Variants in SNX29 observed in about 807,000 individuals in gnomAD.
SNX29 encodes the protein sorting nexin-29.
In SNX29, 78 loss-of-function variants were observed where a neutral mutation model predicts 102.1. That is an observed-to-expected ratio of 0.76 (90% confidence interval 0.64 to 0.92). SNX29 has a LOEUF of 0.92. Ranked by LOEUF, SNX29 falls within the 40% of genes least tolerant of loss-of-function variation. The pLI, the probability that SNX29 is intolerant of heterozygous loss-of-function variation, is 0.00. For missense variants in SNX29, 1,280 were observed against 1,061.7 expected, an observed-to-expected ratio of 1.21 and a Z score of -2.86; for synonymous variants, 580 against 414.5, an observed-to-expected ratio of 1.40 and a Z score of -4.85.
chr16:12,574,053 A>C lies in SNX29; in HGVS notation c.*5424A>C, dbSNP rs556070144. 4 of 193,508 alleles carry C rather than the reference A, an allele frequency of 2.1e-5. No homozygotes were observed. The highest frequency in any genetic ancestry group is 3.2e-5 in the Non-Finnish European group (3 of 92,732). The allele number at this position is 193,508 out of a possible 1,614,324, so 12.0% of individuals were successfully genotyped here. Reference sequence around the variant, plus strand: ...CTAGAGTCTGATAGTCTGTGTGTACATAAGGTCTAGAAGTCTGTGGAAACG... The same window carrying C: ...CTAGAGTCTGATAGTCTGTGTGTACCTAAGGTCTAGAAGTCTGTGGAAACG... On this transcript the variant is annotated 3_prime_UTR_variant, in exon 21 of 21. Transcript: ENST00000566228.
chr16:12,180,881 T>G (rs978259770), intron 13 of SNX29, among the ~76,000 whole-genome samples: 1 of 152,218 alleles, frequency 6.6e-6, no homozygotes, highest in Non-Finnish European at 1.5e-5. Flanking sequence ...TCGTGTGGTG[T>G]TAGGCATACT....
At chr16:12,033,276 A>AT (rs1375442064) in intron 4 of SNX29, among the ~76,000 whole-genome samples, 5 of 151,014 alleles carry the variant, frequency 3.3e-5, no homozygotes, top group Admixed American at 2.0e-4. Context: ...TAATTTTATT[A>AT]TTTTTTTGTA....
intron 11 of SNX29, among the ~76,000 whole-genome samples, chr16:12,110,974 G>A (rs779332107): frequency 1.3e-5 from 2 of 152,026 alleles, no homozygotes; most frequent in African/African-American, 4.8e-5. Flanking sequence ...ACGCTACCAC[G>A]CCTGGCTAAT....
chr16:12,552,499 C>G (rs115204611), intron 20 of SNX29, among the ~76,000 whole-genome samples: 28 of 152,296 alleles, frequency 1.8e-4, no homozygotes, highest in African/African-American at 4.6e-4. Context: ...GAATCTTGCT[C>G]AAAAATAGCC....
intron 18 of SNX29, among the ~76,000 whole-genome samples, chr16:12,408,167 AACAAACAAAC>A (rs2084248635): frequency 6.7e-6 from 1 of 150,122 alleles, no homozygotes; most frequent in South Asian, 2.1e-4. Context: ...CAAAAAAACA[AACAAACAAAC>A]AAAAAAAAAA....
intron 20 of SNX29, among the ~76,000 whole-genome samples, chr16:12,563,100 A>G (rs2078822839): frequency 7.0e-6 from 1 of 142,086 alleles, no homozygotes; most frequent in Non-Finnish European, 1.6e-5. Flanking sequence ...TAGAAGACGC[A>G]CGCTAACAAC....
intron 14 of SNX29, among the ~76,000 whole-genome samples, chr16:12,271,747 T>A (rs1386694629): frequency 6.6e-6 from 1 of 151,894 alleles, no homozygotes; most frequent in African/African-American, 2.4e-5. Flanking sequence ...CTAAGCCTCC[T>A]GAGTAGCTGG....
chr16:12,355,350 G>C (rs532004902), intron 15 of SNX29, among the ~76,000 whole-genome samples: 1 of 152,256 alleles, frequency 6.6e-6, no homozygotes, highest in South Asian at 2.1e-4. Context: ...GTCTTCTGTA[G>C]CTCATGTAAA....
chr16:12,112,635 C>A (rs952264526), intron 11 of SNX29, among the ~76,000 whole-genome samples: 15 of 152,146 alleles, frequency 9.9e-5, no homozygotes, highest in Non-Finnish European at 1.8e-4. Flanking sequence ...CTCGTGAGGT[C>A]CAGGTCTCTT....
At position 12,096,670 on chromosome 16, in the gene SNX29, G is replaced by A. The variant is rs2151425768; in HGVS notation, c.1402+17755G>A. On this transcript the variant is annotated intron_variant, in intron 11 of 20. Coordinates refer to ENST00000566228, the MANE Select transcript of SNX29 (RefSeq NM_032167.5). The surrounding 1 kb of genome is among the most constrained non-coding windows in gnomAD (Gnocchi z 4.2). Reference sequence around the variant, plus strand: ...GGCAATGGGGTCATGTGGGAGTGATGTACTCTTTGTTATCTGTGGCACTGA... The same window carrying A: ...GGCAATGGGGTCATGTGGGAGTGATATACTCTTTGTTATCTGTGGCACTGA... 6.6e-6 allele frequency among the ~76,000 whole-genome samples: 1 copy of A among 152,294 alleles called. No homozygotes were observed. Among genetic ancestry groups the A allele is most frequent in the Non-Finnish European group, 1.5e-5 (1 of 68,024 alleles).
chr16:12,539,730 C>G (rs758717633), intron 20 of SNX29, among the ~76,000 whole-genome samples: 1 of 152,220 alleles, frequency 6.6e-6, no homozygotes, highest in Non-Finnish European at 1.5e-5. Flanking sequence ...TGGCTGTTCA[C>G]AAGGATGCAG....
At chr16:12,360,496 G>T (rs925965701) in intron 16 of SNX29, among the ~76,000 whole-genome samples, 1 of 152,112 alleles carries the variant, frequency 6.6e-6, no homozygotes, top group Non-Finnish European at 1.5e-5. Flanking sequence ...TTCAGGTTTG[G>T]TTTTTTGCCC....
chr16:12,007,365 C>T (rs917418471), intron 3 of SNX29, among the ~76,000 whole-genome samples: 7 of 152,236 alleles, frequency 4.6e-5, no homozygotes, highest in East Asian at 1.9e-4. Context: ...ATTAGCCAGG[C>T]GTGGTGGTGC....
intron 18 of SNX29, among the ~76,000 whole-genome samples, chr16:12,457,737 C>T (rs903342732): frequency 2.6e-5 from 4 of 152,180 alleles, no homozygotes; most frequent in African/African-American, 9.7e-5. Context: ...AATGTTCATC[C>T]CAGCCCCATC....
chr16:12,234,711 G>GT (rs1383960213), intron 14 of SNX29, among the ~76,000 whole-genome samples: 1 of 152,298 alleles, frequency 6.6e-6, no homozygotes, highest in Admixed American at 6.5e-5. Context: ...CAGCCCAGAG[G>GT]TTTTGGGGGT....
rs528739453 is a variant in SNX29, at chr16:12,370,809, C to T, written c.1899+14530C>T. On this transcript the variant is annotated intron_variant, in intron 16 of 20. Coordinates refer to ENST00000566228, the MANE Select transcript of SNX29 (RefSeq NM_032167.5). The stretch of plus-strand genomic sequence containing the variant: ...AACCAGAGCAGTTTGTGCCTAGATT[C>T]ATTGCTGTCTCTTTTCTGGGCGACC... Among the ~76,000 whole-genome samples, 55 of 152,338 alleles carry T rather than the reference C, an allele frequency of 3.6e-4. 1 individual carries two copies. The highest frequency in any genetic ancestry group is 1.2e-3 in the African/African-American group (51 of 41,576).
chr16:12,286,112 G>T (rs2079587180), intron 15 of SNX29, among the ~76,000 whole-genome samples: 3 of 151,704 alleles, frequency 2.0e-5, no homozygotes, highest in Admixed American at 6.6e-5. Flanking sequence ...CAAAGTGCTG[G>T]GATTACAGGT....
chr16:12,231,055 G>A (rs2077755269), intron 14 of SNX29, among the ~76,000 whole-genome samples: 1 of 152,122 alleles, frequency 6.6e-6, no homozygotes, highest in African/African-American at 2.4e-5. Flanking sequence ...ATTTCACCAT[G>A]TTGGCCAGGC....
intron 20 of SNX29, among the ~76,000 whole-genome samples, chr16:12,525,310 T>C (rs1427699684): frequency 5.3e-5 from 8 of 151,444 alleles, no homozygotes; most frequent in Admixed American, 3.9e-4. Context: ...TTAAATGCCT[T>C]CTTCTCTCTT....
Sources: gnomAD v4.1 joint callset for allele counts (sites outside exome capture counted in the v4.1 genomes callset) on GRCh38, gnomAD v4.1.1 for gene constraint, Gnocchi (gnomAD v3.1) non-coding constraint, MANE v1.5 for transcripts, NCBI Gene and HGNC (gene_info 2026-07-23, HGNC 2026-07-21) for gene names.